Variants in PHF14 observed in about 807,000 individuals in gnomAD.
The protein encoded by PHF14 is PHD finger protein 14.
PHF14 carries 55 observed loss-of-function variants against 117.9 expected under a neutral mutation model. The observed-to-expected ratio is 0.47, with a 90% CI of 0.38 to 0.58. The LOEUF (loss-of-function observed/expected upper bound fraction) is 0.58. Ranked by LOEUF, PHF14 falls within the 20% of genes least tolerant of loss-of-function variation. PHF14 has a pLI of 0.00. For synonymous variants in PHF14, 409 were observed against 368.6 expected (o/e 1.11, Z -1.26); for missense variants, 978 against 1,122.2 (o/e 0.87, Z 1.84).
Position 10,995,677 on chromosome 7 carries a change from A to G in PHF14, c.1045+4830A>G, listed in dbSNP as rs551360826. 1.4e-4 allele frequency among the ~76,000 whole-genome samples: 21 copies of G among 152,306 alleles called. 2 individuals are homozygous for G. The South Asian group carries it at 3.9e-3, about 29-fold the overall frequency. On this transcript the variant is annotated intron_variant, in intron 4 of 17. Coordinates refer to ENST00000634607, the MANE Select transcript of PHF14 (RefSeq NM_001007157.2). ...GTAAGGCTCAGGCATGGTGGGCTGCAGGTTCCGAGCCCTGCCCCGCAGGGA... is the reference window on the plus strand; with the variant it reads ...GTAAGGCTCAGGCATGGTGGGCTGCGGGTTCCGAGCCCTGCCCCGCAGGGA...
chr7:10,998,529 T>C (rs1419238559), intron 4 of PHF14, among the ~76,000 whole-genome samples: 1 of 152,198 alleles, frequency 6.6e-6, no homozygotes, highest in Non-Finnish European at 1.5e-5. Context: ...AATATAAATA[T>C]ATTCATATGA....
At position 11,169,573 on chromosome 7, in the gene PHF14, A is replaced by G. The variant is rs900472096; in HGVS notation, c.*83A>G. The G allele has an allele frequency of 1.1e-4, 64 of 578,740 alleles. No individual in the cohort carries two copies. Among genetic ancestry groups the G allele is most frequent in the Non-Finnish European group, 1.6e-4 (56 of 342,254 alleles). The allele number at this position is 578,740 out of a possible 1,614,324, so 35.9% of individuals were successfully genotyped here. A position where few individuals can be genotyped will look rare whatever the true frequency, so the allele number is the denominator to read the frequency against. ...TCTAATTGTAAAATGTTAAATTGTA[A>G]AATCTAATTTGCAAAATGTTCTCAA... On this transcript the variant is annotated 3_prime_UTR_variant, in exon 18 of 18. Transcript: ENST00000634607.
chr7:11,120,365 A>G (rs1031314743), intron 17 of PHF14, among the ~76,000 whole-genome samples: 22 of 152,030 alleles, frequency 1.4e-4, no homozygotes, highest in Non-Finnish European at 1.6e-4. Flanking sequence ...AAAAGTTCAA[A>G]ATTAGTGATA....
chr7:10,974,136 G>A lies in PHF14; in HGVS notation c.-188G>A, dbSNP rs1202395443. The stretch of plus-strand genomic sequence containing the variant: ...CGAGCGGCCAGGGCCAGGCGAGGCC[G>A]GGGGGGCGGGGGGTTAGGGGACCGC... On this transcript the variant is annotated 5_prime_UTR_variant, in exon 1 of 18. Coordinates refer to ENST00000634607, the MANE Select transcript of PHF14 (RefSeq NM_001007157.2). 1.6e-5 allele frequency: 9 copies of A among 575,160 alleles called. No homozygotes were observed. Among genetic ancestry groups the A allele is most frequent in the African/African-American group, 1.1e-4 (6 of 53,096 alleles). 35.6% of individuals were successfully genotyped at this position (575,160 alleles called of 1,614,324 possible). A position where few individuals can be genotyped will look rare whatever the true frequency, so the allele number is the denominator to read the frequency against.
At chr7:11,056,998 A>G (rs1039119690) in intron 14 of PHF14, among the ~76,000 whole-genome samples, 1 of 152,024 alleles carries the variant, frequency 6.6e-6, no homozygotes, top group Non-Finnish European at 1.5e-5. Context: ...ATGAATAAGC[A>G]TGTTCTATTT....
At chr7:11,143,340 C>G (rs1788449967) in intron 17 of PHF14, among the ~76,000 whole-genome samples, 1 of 152,040 alleles carries the variant, frequency 6.6e-6, no homozygotes, top group South Asian at 2.1e-4. Flanking sequence ...AGGCTGATCT[C>G]AAGCCCCTGG....
chr7:11,024,251 A>C (rs1783834045), intron 6 of PHF14, among the ~76,000 whole-genome samples: 1 of 152,198 alleles, frequency 6.6e-6, no homozygotes, highest in Non-Finnish European at 1.5e-5. Flanking sequence ...AAAGGTTGAA[A>C]GGTAGCAGAG....
chr7:11,033,368 A>G (rs1271369461), intron 7 of PHF14, among the ~76,000 whole-genome samples: 1 of 152,166 alleles, frequency 6.6e-6, no homozygotes, highest in Admixed American at 6.5e-5. Flanking sequence ...GCACTCTCCT[A>G]CACAGTCAAA....
chr7:11,118,203 A>G (rs1300665684), intron 17 of PHF14, among the ~76,000 whole-genome samples: 1 of 151,936 alleles, frequency 6.6e-6, no homozygotes, highest in Non-Finnish European at 1.5e-5. Context: ...TGTTTTGTAG[A>G]CTTACTAAAA....
At position 10,987,743 on chromosome 7, in the gene PHF14, C is replaced by T. The variant is rs2128309274; in HGVS notation, c.901-2960C>T. Reference sequence around the variant, plus strand: ...AAAAGCTTCAGCTTAACTACTTTCTCTGAAACCTTGAAAGATGATATACGT... The same window carrying T: ...AAAAGCTTCAGCTTAACTACTTTCTTTGAAACCTTGAAAGATGATATACGT... On this transcript the variant is annotated intron_variant, in intron 3 of 17. Transcript: ENST00000634607. Among the ~76,000 whole-genome samples the T allele has an allele frequency of 2.0e-5, 3 of 152,122 alleles. No homozygotes were observed. In the South Asian group the frequency reaches 6.2e-4, roughly 32 times the overall value.
chr7:11,119,268 G>C (rs996043091), intron 17 of PHF14, among the ~76,000 whole-genome samples: 1 of 151,692 alleles, frequency 6.6e-6, no homozygotes, highest in Non-Finnish European at 1.5e-5. Context: ...TGTTATTTCA[G>C]CTACTAAAAT....
intron 4 of PHF14, among the ~76,000 whole-genome samples, chr7:10,995,203 A>T (rs532957223): frequency 2.2e-4 from 34 of 152,078 alleles, no homozygotes; most frequent in Non-Finnish European, 4.9e-4. Flanking sequence ...TTAGCTAGAC[A>T]TAAAGGTTCT....
chr7:11,070,001 C>T (rs766013629), intron 16 of PHF14, among the ~76,000 whole-genome samples: 100 of 152,088 alleles, frequency 6.6e-4, no homozygotes, highest in Admixed American at 8.5e-4. Flanking sequence ...TAGAATTCTC[C>T]GGTGATACCA....
chr7:11,003,921 C>T (rs1583351905), intron 4 of PHF14, among the ~76,000 whole-genome samples: 2 of 151,982 alleles, frequency 1.3e-5, no homozygotes, highest in African/African-American at 4.8e-5. Flanking sequence ...GATATATGTC[C>T]TCTGTGGAAA....
At chr7:11,133,796 C>T (rs186264467) in intron 17 of PHF14, among the ~76,000 whole-genome samples, 16 of 152,060 alleles carry the variant, frequency 1.1e-4, no homozygotes, top group Admixed American at 9.2e-4. Flanking sequence ...CATCATAAAA[C>T]GATTCCTCCT....
chr7:11,142,877 G>T (rs759041927), intron 17 of PHF14, among the ~76,000 whole-genome samples: 3 of 152,036 alleles, frequency 2.0e-5, no homozygotes, highest in Non-Finnish European at 4.4e-5. Flanking sequence ...TGACTTAATG[G>T]TTAATTGGCT....
intron 17 of PHF14, among the ~76,000 whole-genome samples, chr7:11,131,648 C>G (rs1327925480): frequency 2.0e-5 from 3 of 151,794 alleles, no homozygotes; most frequent in Non-Finnish European, 4.4e-5. Context: ...TGAAGTCCAG[C>G]TTAATTTTTT....
At chr7:11,122,940 C>G (rs1055762306) in intron 17 of PHF14, among the ~76,000 whole-genome samples, 2 of 152,174 alleles carry the variant, frequency 1.3e-5, no homozygotes, top group Non-Finnish European at 2.9e-5. Context: ...TTGTCAAAAT[C>G]AAGAATCTTC....
chr7:11,076,996 A>G (rs1785881406), intron 16 of PHF14, among the ~76,000 whole-genome samples: 1 of 151,748 alleles, frequency 6.6e-6, no homozygotes. Context: ...GTATGTGCAC[A>G]TATTAAAATG....
Sources: gnomAD v4.1 joint callset for allele counts (sites outside exome capture counted in the v4.1 genomes callset) on GRCh38, gnomAD v4.1.1 for gene constraint, MANE v1.5 for transcripts, NCBI Gene and HGNC (gene_info 2026-07-23, HGNC 2026-07-21) for gene names.